The following CERS3 variants were observed in gnomAD, a reference collection of about 807,000 sequenced individuals.
CERS3 encodes the protein LAG1 homolog, ceramide synthase 3.
In CERS3, 33 loss-of-function variants were observed where a neutral mutation model predicts 50.3. The ratio of observed to expected loss-of-function variants is 0.66; its 90% CI spans 0.50 to 0.88. CERS3 has a LOEUF of 0.88. Among genes scored for constraint, CERS3 ranks in the 40% least tolerant of loss-of-function variants. The probability of loss-of-function intolerance (pLI) is 0.00; values close to 1 mark genes in which losing one functional copy is unlikely to be tolerated. For missense variants in CERS3, 470 were observed against 460.3 expected, an observed-to-expected ratio of 1.02 and a Z score of -0.19; for synonymous variants, 176 against 155.2, an observed-to-expected ratio of 1.13 and a Z score of -0.99.
At chr15:100,467,561 C>T (rs1200715544) in intron 10 of CERS3, among the ~76,000 whole-genome samples, 3 of 151,826 alleles carry the variant, frequency 2.0e-5, no homozygotes, top group South Asian at 4.1e-4. Flanking sequence ...CCACTGCTGT[C>T]TTAAGCCACT....
intron 11 of CERS3, among the ~76,000 whole-genome samples, chr15:100,408,966 G>C (rs992298622): frequency 5.9e-5 from 9 of 152,258 alleles, no homozygotes; most frequent in Non-Finnish European, 1.2e-4. Context: ...AGCTATGAAA[G>C]GTACACAGGA....
chr15:100,466,687 A>G (rs2034727683), intron 10 of CERS3, among the ~76,000 whole-genome samples: 2 of 152,006 alleles, frequency 1.3e-5, no homozygotes, highest in South Asian at 4.2e-4. Flanking sequence ...AGTCCCAGCC[A>G]ATAAGCACAA....
At chr15:100,538,424 C>T (rs1474394537) in intron 1 of CERS3, among the ~76,000 whole-genome samples, 2 of 152,260 alleles carry the variant, frequency 1.3e-5, no homozygotes, top group Non-Finnish European at 2.9e-5. Context: ...TCTGCCTAGA[C>T]ATCCAGGCAT....
At chr15:100,542,137 A>T (rs1035321520) in intron 1 of CERS3, among the ~76,000 whole-genome samples, 5 of 149,198 alleles carry the variant, frequency 3.4e-5, no homozygotes, top group East Asian at 3.9e-4. Flanking sequence ...GCTCAAAATT[A>T]AAAAAAAATC....
At chr15:100,511,025 C>T (rs755639267) in intron 2 of CERS3, among the ~76,000 whole-genome samples, 21 of 152,188 alleles carry the variant, frequency 1.4e-4, no homozygotes, top group Non-Finnish European at 1.3e-4. Context: ...CGGTAACTCA[C>T]GCCTCTAATC....
rs554330380 is a variant in CERS3 at position 100,472,796 on chromosome 15, G to T, written c.738+128C>A. Reference sequence around the variant, plus strand: ...ATCTTGGAGGATCTGGGAATCTAGAGATATTCTCAGAATTTGGGTGTTTTC... The same window carrying T: ...ATCTTGGAGGATCTGGGAATCTAGATATATTCTCAGAATTTGGGTGTTTTC... On this transcript the variant is annotated intron_variant, in intron 9 of 11. Coordinates refer to ENST00000679737, the MANE Select transcript of CERS3 (RefSeq NM_001378789.1). 47 of 1,034,698 alleles carry T rather than the reference G, an allele frequency of 4.5e-5. No homozygotes were observed. The African/African-American group carries it at 6.4e-4, about 14-fold the overall frequency. 64.1% of individuals were successfully genotyped at this position (1,034,698 alleles called of 1,614,324 possible). A position where few individuals can be genotyped will look rare whatever the true frequency, so the allele number is the denominator to read the frequency against.
chr15:100,463,002 T>C (rs568306730), intron 10 of CERS3, among the ~76,000 whole-genome samples: 8 of 152,352 alleles, frequency 5.3e-5, no homozygotes, highest in African/African-American at 1.9e-4. Flanking sequence ...AAGGAATTAT[T>C]TAGTTGATGT....
chr15:100,486,352 G>T (rs1300184579), intron 4 of CERS3, among the ~76,000 whole-genome samples: 1 of 152,196 alleles, frequency 6.6e-6, no homozygotes. Context: ...ATCCAGTTCT[G>T]CTACCTCCTA....
chr15:100,485,190 A>C (rs2035449518), intron 4 of CERS3, among the ~76,000 whole-genome samples: 1 of 152,218 alleles, frequency 6.6e-6, no homozygotes. Flanking sequence ...ATGCAGGAAA[A>C]ACTCCAACCA....
chr15:100,467,177 G>A (rs1020956939), intron 10 of CERS3, among the ~76,000 whole-genome samples: 5 of 151,962 alleles, frequency 3.3e-5, no homozygotes, highest in African/African-American at 1.2e-4. Flanking sequence ...TATGACTTCA[G>A]CCATGTGTTG....
At chr15:100,532,577 G>A (rs938934532), upstream of CERS3, among the ~76,000 whole-genome samples, 2 of 151,790 alleles carry the variant, frequency 1.3e-5, no homozygotes, top group East Asian at 3.9e-4. Flanking sequence ...ACCAGACTGG[G>A]CAAGATGGCA....
chr15:100,421,341 A>G (rs1002871428), intron 11 of CERS3, among the ~76,000 whole-genome samples: 2 of 150,658 alleles, frequency 1.3e-5, no homozygotes, highest in Non-Finnish European at 1.5e-5. Context: ...CAATTGCTTC[A>G]AAGAGAATCA....
chr15:100,483,787 A>ATTTTTATTTTT (rs1555530339), intron 5 of CERS3, among the ~76,000 whole-genome samples: 2 of 100,040 alleles, frequency 2.0e-5, no homozygotes, highest in East Asian at 3.2e-4. Context: ...TATTATTATT[A>ATTTTTATTTTT]TTTTTTTTTT....
intron 4 of CERS3, among the ~76,000 whole-genome samples, chr15:100,485,167 G>C (rs2035448792): frequency 2.0e-5 from 3 of 152,138 alleles, no homozygotes; most frequent in African/African-American, 7.2e-5. Context: ...CTTTCTCACA[G>C]CTCCAGAAGA....
chr15:100,543,835 TG>T (rs1330708455), intron 1 of CERS3, among the ~76,000 whole-genome samples: 4 of 152,132 alleles, frequency 2.6e-5, no homozygotes, highest in African/African-American at 9.7e-5. Context: ...TGGCTGTGGG[TG>T]GGTGCCTTTC....
chr15:100,513,926 A>G (rs984357251), intron 2 of CERS3, among the ~76,000 whole-genome samples: 3 of 152,166 alleles, frequency 2.0e-5, no homozygotes, highest in Non-Finnish European at 4.4e-5. Flanking sequence ...TAAGATCCTC[A>G]TCTAGTCTTT....
chr15:100,536,518 C>T (rs534046716), intron 1 of CERS3, among the ~76,000 whole-genome samples: 2 of 152,270 alleles, frequency 1.3e-5, no homozygotes, highest in African/African-American at 4.8e-5. Flanking sequence ...TTCCTAAGCT[C>T]GAATGAACTG....
chr15:100,477,782 A>T (rs1277188420), intron 7 of CERS3, among the ~76,000 whole-genome samples: 4 of 152,214 alleles, frequency 2.6e-5, no homozygotes, highest in African/African-American at 4.8e-5. Flanking sequence ...ACTAAGGAAA[A>T]GGAGTCATGG....
intron 11 of CERS3, among the ~76,000 whole-genome samples, chr15:100,444,279 T>TC (rs936537078): frequency 1.3e-5 from 2 of 152,156 alleles, no homozygotes; most frequent in African/African-American, 4.8e-5. Context: ...TACTTTCTGC[T>TC]CCCCGGCTCC....
Sources: gnomAD v4.1 joint callset for allele counts (sites outside exome capture counted in the v4.1 genomes callset) on GRCh38, gnomAD v4.1.1 for gene constraint, MANE v1.5 for transcripts, NCBI Gene and HGNC (gene_info 2026-07-23, HGNC 2026-07-21) for gene names.